Variants in DMTN observed in about 807,000 individuals in gnomAD.
DMTN encodes dematin actin binding protein.
DMTN carries 27 observed loss-of-function variants against 59.4 expected under a neutral mutation model. The ratio of observed to expected loss-of-function variants is 0.45; its 90% CI spans 0.33 to 0.63. The LOEUF (loss-of-function observed/expected upper bound fraction) is 0.63. DMTN is among the 20% of genes least tolerant of loss of function. The probability of loss-of-function intolerance (pLI) is 0.02; values close to 1 mark genes in which losing one functional copy is unlikely to be tolerated. For synonymous variants in DMTN, 221 were observed against 203.7 expected, an observed-to-expected ratio of 1.08 and a Z score of -0.72; for missense variants, 451 against 528.9, an observed-to-expected ratio of 0.85 and a Z score of 1.45.
rs974689902 is a variant in DMTN at position 22,081,330 on chromosome 8, G to A, written c.1105-20G>A. ...GCCCCCTCCCCCTCCATGCTGAGCT[G>A]CCCCGATTCCCCCATGTAGAGGCAT... On this transcript the variant is annotated intron_variant, in intron 15 of 15. Transcript: ENST00000358242. 6.2e-7 allele frequency: 1 copy of A among 1,611,126 alleles called. No homozygotes were observed. The highest frequency in any genetic ancestry group is 8.5e-7 in the Non-Finnish European group (1 of 1,177,416).
rs951708686 is a variant in DMTN at position 22,081,770 on chromosome 8, T to C, written c.*307T>C. The C allele has an allele frequency of 3.1e-5, 16 of 521,656 alleles. No individual in the cohort carries two copies. Among genetic ancestry groups the C allele is most frequent in the Non-Finnish European group, 5.5e-5 (15 of 272,506 alleles). 32.3% of individuals were successfully genotyped at this position (521,656 alleles called of 1,614,324 possible). A position where few individuals can be genotyped will look rare whatever the true frequency, so the allele number is the denominator to read the frequency against. ...CCTCACCCCAGAGGGTGAGGAGGAA[T>C]GAGGGGCATTGGTGGTTAGGCCGGT... is the stretch of plus-strand genomic sequence containing the variant. On this transcript the variant is annotated 3_prime_UTR_variant, in exon 16 of 16. Coordinates refer to ENST00000358242, the MANE Select transcript of DMTN (RefSeq NM_001387751.1).
At position 22,066,744 on chromosome 8, in the gene DMTN, C is replaced by CG; in HGVS notation, c.-127dup. 3 of 1,046,884 alleles carry CG rather than the reference C, an allele frequency of 2.9e-6. No homozygotes were observed. Among genetic ancestry groups the CG allele is most frequent in the Admixed American group, 4.1e-5 (1 of 24,222 alleles). The allele number at this position is 1,046,884 out of a possible 1,614,324, so 64.8% of individuals were successfully genotyped here. Reference sequence around the variant, plus strand: ...GCCGAGGGATGAGGACGCGCCAGCCCGGGGGAACGCGCCAGCTGCTTTCGC... The same window carrying CG: ...GCCGAGGGATGAGGACGCGCCAGCCCGGGGGGAACGCGCCAGCTGCTTTCGC... On this transcript the variant is annotated 5_prime_UTR_variant, in exon 2 of 16. An upstream open reading frame in the 5' UTR loses its in-frame stop. Coordinates refer to ENST00000358242, the MANE Select transcript of DMTN (RefSeq NM_001387751.1).
At chr8:22,073,210 T>C (rs557183045) in intron 9 of DMTN, among the ~76,000 whole-genome samples, 1 of 152,322 alleles carries the variant, frequency 6.6e-6, no homozygotes, top group South Asian at 2.1e-4. Context: ...GCCAAACCCA[T>C]TGTGGCCATG....
intron 14 of DMTN, 79 bp from the exon 15 acceptor site, chr8:22,081,034 C>G (rs1823929911): frequency 1.3e-6 from 2 of 1,507,806 alleles, no homozygotes; most frequent in African/African-American, 2.7e-5. Flanking sequence ...GTGGCCTCTG[C>G]AGGTTGATGT....
At chr8:22,080,343 A>T (rs1823331139) in intron 11 of DMTN, 69 bp from the exon 12 acceptor site, 2 of 1,612,542 alleles carry the variant, frequency 1.2e-6, no homozygotes. Context: ...GAGCGGGGAG[A>T]CCCCCAAAGT....
intron 10 of DMTN, among the ~76,000 whole-genome samples, chr8:22,079,301 T>TATATATATATATATATATATATA (rs199745360): frequency 1.9e-4 from 16 of 84,912 alleles, no homozygotes; most frequent in Non-Finnish European, 1.9e-4. Context: ...TATATATATA[T>TATATATATATATATATATATATA]TAGCTGGGTT....
rs774015077 is a variant in DMTN at position 22,067,548 on chromosome 8, C to A, written c.115C>A (p.Leu39Met). Reference protein sequence around the residue: ...SIVAKMDNQVLGYKDLAAIPK... With the variant: ...SIVAKMDNQVMGYKDLAAIPK... ...TCAGGCCAAGATGGACAATCAGGTGCTGGGCTACAAGGACCTGGCTGCCAT... is the reference window on the plus strand; with the variant it reads ...TCAGGCCAAGATGGACAATCAGGTGATGGGCTACAAGGACCTGGCTGCCAT... The change falls in exon 4 of 16, where the codon CTG becomes ATG. Residue 39 changes from leucine to methionine, a missense_variant. Leu to Met is a conservative substitution (Grantham distance 15). Transcript: ENST00000358242. The A allele has an allele frequency of 8.7e-6, 14 of 1,614,094 alleles. No individual in the cohort carries two copies. The South Asian group carries it at 1.4e-4, about 16-fold the overall frequency.
rs754073600 is a variant in DMTN, at chr8:22,081,985, C to G, written c.*522C>G. 4 of 456,862 alleles carry G rather than the reference C, an allele frequency of 8.8e-6. No homozygotes were observed. The highest frequency in any genetic ancestry group is 1.8e-5 in the Non-Finnish European group (4 of 227,040). 28.3% of individuals were successfully genotyped at this position (456,862 alleles called of 1,614,324 possible). ...GCTCAGCCTCCGGCAGGGAGGTCAC[C>G]CCTCCACTTCAGCTTGCCCTGACCT... On this transcript the variant is annotated 3_prime_UTR_variant, in exon 16 of 16. Transcript: ENST00000358242.
chr8:22,061,054 T>G (rs1010578563), intron 1 of DMTN, among the ~76,000 whole-genome samples: 11 of 152,024 alleles, frequency 7.2e-5, no homozygotes, highest in Admixed American at 3.9e-4. Context: ...GGAGGATCAC[T>G]TGAGCCCAGG....
At chr8:22,072,959 G>A (rs753071234) in intron 9 of DMTN, among the ~76,000 whole-genome samples, 1 of 152,130 alleles carries the variant, frequency 6.6e-6, no homozygotes, top group African/African-American at 2.4e-5. Context: ...TTGATATAAG[G>A]GTCAAAAGCA....
rs189373573 is a variant in DMTN at position 22,072,396 on chromosome 8, C to G, written c.675C>G (p.Asp225Glu). Residue 225 changes from aspartate to glutamate, a missense_variant, in exon 9 of 16, where the codon GAC becomes GAG. Transcript: ENST00000358242. ...AAGAGGAGGAGGAGGAAGATGACGA[C>G]TCTGGAGAGGAGATGAAGGCTCTCA... ...AEEEEEEEDD[D>E]SGEEMKALRE... The G allele has an allele frequency of 6.3e-7, 1 of 1,598,880 alleles. No homozygotes were observed. Among genetic ancestry groups the G allele is most frequent in the African/African-American group, 1.3e-5 (1 of 74,606 alleles).
chr8:22,063,831 T>C (rs148909287), intron 1 of DMTN, among the ~76,000 whole-genome samples: 2 of 152,304 alleles, frequency 1.3e-5, no homozygotes, highest in African/African-American at 4.8e-5. Flanking sequence ...TCTTATATGG[T>C]ACAGGTAATT....
At chr8:22,061,097 C>T (rs914123284) in intron 1 of DMTN, among the ~76,000 whole-genome samples, 15 of 150,948 alleles carry the variant, frequency 9.9e-5, no homozygotes, top group Non-Finnish European at 1.8e-4. Flanking sequence ...CATAGGGAGA[C>T]CCCATCTTTA....
chr8:22,068,561 T>C (rs1300241775), intron 4 of DMTN, among the ~76,000 whole-genome samples: 1 of 148,542 alleles, frequency 6.7e-6, no homozygotes, highest in Non-Finnish European at 1.5e-5. Context: ...AGTGAGACTA[T>C]AAGAAAGAAA....
intron 5 of DMTN, 93 bp downstream of exon 5, chr8:22,069,153 C>A: frequency 1.4e-6 from 2 of 1,432,868 alleles, no homozygotes; most frequent in South Asian, 1.3e-5. Context: ...CTCTGCAGAG[C>A]CCAGGGAGTG....
intron 9 of DMTN, among the ~76,000 whole-genome samples, chr8:22,072,891 C>T (rs1342422399): frequency 6.6e-6 from 1 of 152,096 alleles, no homozygotes; most frequent in African/African-American, 2.4e-5. Context: ...GCCAAGACCC[C>T]AGGATTTTGC....
At chr8:22,081,317 T>G in intron 15 of DMTN, 33 bp from the exon 16 acceptor site, 1 of 1,602,326 alleles carries the variant, frequency 6.2e-7, no homozygotes, top group Non-Finnish European at 8.6e-7. Context: ...CCCCTCCCCC[T>G]CCATGCTGAG....
chr8:22,068,560 A>G (rs1812613516), intron 4 of DMTN, among the ~76,000 whole-genome samples: 1 of 152,188 alleles, frequency 6.6e-6, no homozygotes, highest in African/African-American at 2.4e-5. Context: ...GAGTGAGACT[A>G]TAAGAAAGAA....
At position 22,073,464 on chromosome 8, in the gene DMTN, T is replaced by C. The variant is rs771649507; in HGVS notation, c.730-266T>C. ...AACATGGTGAAACCCCATCTGTATATAAAAAAAAAACAATTAGCTAGCTGG... is the reference window on the plus strand; with the variant it reads ...AACATGGTGAAACCCCATCTGTATACAAAAAAAAAACAATTAGCTAGCTGG... On this transcript the variant is annotated intron_variant, in intron 9 of 15. Coordinates refer to ENST00000358242, the MANE Select transcript of DMTN (RefSeq NM_001387751.1). Among the ~76,000 whole-genome samples the C allele has an allele frequency of 2.1e-5, 3 of 144,308 alleles. No homozygotes were observed. The East Asian group carries it at 6.0e-4, about 29-fold the overall frequency. The allele number at this position is 144,308 out of a possible 152,430, so 94.7% of individuals were successfully genotyped here. A position where few individuals can be genotyped will look rare whatever the true frequency, so the allele number is the denominator to read the frequency against.
Sources: allele counts gnomAD v4.1 joint callset (sites outside exome capture counted in the v4.1 genomes callset), GRCh38; gene constraint gnomAD v4.1.1; transcripts MANE v1.5; gene names NCBI Gene and HGNC (gene_info 2026-07-23, HGNC 2026-07-21).